The following ZNF391 variants were observed in gnomAD, a reference collection of about 807,000 sequenced individuals.
ZNF391 encodes the protein zinc finger protein 391.
For synonymous variants in ZNF391, 126 were observed against 142.1 expected (o/e 0.89, Z 0.80); for missense variants, 375 against 425.5 (o/e 0.88, Z 1.04).
Position 27,376,100 on chromosome 6 carries a change from C to T in ZNF391, n.523+963C>T, listed in dbSNP as rs1033908339. Among the ~76,000 whole-genome samples the T allele has an allele frequency of 5.9e-5, 9 of 152,152 alleles. No individual in the cohort carries two copies. The highest frequency in any genetic ancestry group is 1.4e-4 in the African/African-American group (6 of 41,522). ...AGTTGTATGTTTCCTGCCTCCAGGC[C>T]CTATTTTCCTGCCTCAATAATCACT... On this transcript the variant is annotated intron_variant and non_coding_transcript_variant, in intron 1 of 2. Coordinates refer to the ZNF391 transcript ENST00000477999. The surrounding 1 kb of genome is among the most constrained non-coding windows in gnomAD (Gnocchi z 4.7).
intron 1 of ZNF391, among the ~76,000 whole-genome samples, chr6:27,398,895 G>T (rs1391454862): frequency 6.6e-6 from 1 of 152,112 alleles, no homozygotes; most frequent in Non-Finnish European, 1.5e-5. Context: ...ATCTGGGAAA[G>T]CTAGCTGTCT....
chr6:27,381,528 G>A (rs1459410999), intron 1 of ZNF391, among the ~76,000 whole-genome samples: 2 of 152,234 alleles, frequency 1.3e-5, no homozygotes, highest in Non-Finnish European at 2.9e-5. Flanking sequence ...GGGCTGAAGG[G>A]CTCCTCAAGT....
upstream of ZNF391, among the ~76,000 whole-genome samples, chr6:27,385,547 G>A (rs1016409172): frequency 1.3e-5 from 2 of 152,128 alleles, no homozygotes; most frequent in Non-Finnish European, 2.9e-5. Context: ...GGATAAAAAA[G>A]GGAATTATGT....
chr6:27,377,741 A>G (rs1761439245), intron 1 of ZNF391, among the ~76,000 whole-genome samples: 1 of 152,226 alleles, frequency 6.6e-6, no homozygotes, highest in Non-Finnish European at 1.5e-5. Context: ...AGACTGTGCC[A>G]CTGGCACATC....
chr6:27,377,582 C>T (rs1761436717), intron 1 of ZNF391, among the ~76,000 whole-genome samples: 1 of 152,222 alleles, frequency 6.6e-6, no homozygotes, highest in Non-Finnish European at 1.5e-5. Context: ...AGCTTCATGT[C>T]TTCCTGACTT....
chr6:27,375,891 C>T (rs1561805953), intron 1 of ZNF391, among the ~76,000 whole-genome samples: 1 of 152,084 alleles, frequency 6.6e-6, no homozygotes, highest in Non-Finnish European at 1.5e-5. Context: ...TGGGAGGGGG[C>T]CGAGCATAGG....
Position 27,401,303 on chromosome 6 carries a change from A to T in ZNF391, c.933A>T (p.Gly311=). 6.2e-7 allele frequency: 1 copy of T among 1,614,104 alleles called. No individual in the cohort carries two copies. ...AGCCTCACGAGTGTAGAGTGTGTGG[A>T]AAGGGCTTCAGTCGAAGCTCATCCC... ...GEKPHECRVC[G]KGFSRSSSLI... Residue 311 remains glycine (G), a synonymous_variant, in exon 3 of 3, where the codon GGA becomes GGT. Coordinates refer to ENST00000244576, the MANE Select transcript of ZNF391 (RefSeq NM_001076781.3).
rs180840978 is a variant in ZNF391, at chr6:27,395,509, C to T, written c.-187-3933C>T. ...CTTTTACAGCCTGCAGAACCGTGAG[C>T]GAATTAAACTTCTTTATAAATTACC... On this transcript the variant is annotated intron_variant, in intron 1 of 2. Coordinates refer to ENST00000244576, the MANE Select transcript of ZNF391 (RefSeq NM_001076781.3). Among the ~76,000 whole-genome samples the T allele has an allele frequency of 1.8e-4, 27 of 152,196 alleles. No homozygotes were observed. The East Asian group carries it at 5.2e-3, about 29-fold the overall frequency.
rs1016605611 is a variant in ZNF391 at position 27,401,619 on chromosome 6, C to T, written c.*172C>T. 2.3e-5 allele frequency: 11 copies of T among 473,052 alleles called. No homozygotes were observed. The highest frequency in any genetic ancestry group is 3.7e-5 in the Admixed American group (1 of 27,188). 29.3% of individuals were successfully genotyped at this position (473,052 alleles called of 1,614,324 possible). A position where few individuals can be genotyped will look rare whatever the true frequency, so the allele number is the denominator to read the frequency against. On this transcript the variant is annotated 3_prime_UTR_variant, in exon 3 of 3. Coordinates refer to ENST00000244576, the MANE Select transcript of ZNF391 (RefSeq NM_001076781.3). ...CCATCCATCTATCCTTCTTTCGTCT[C>T]CCCTCCCTTCTTCCCTCCTTCCCTC...
upstream of ZNF391, among the ~76,000 whole-genome samples, chr6:27,387,073 C>G (rs6912091): frequency 0.7 from 106,917 of 151,770 alleles, 37,897 homozygotes; most frequent in Middle Eastern, 0.8. Context: ...AAAGAAGACA[C>G]ACAAATAAGT....
At chr6:27,397,486 A>C (rs1269490052) in intron 1 of ZNF391, among the ~76,000 whole-genome samples, 2 of 152,152 alleles carry the variant, frequency 1.3e-5, no homozygotes, top group Non-Finnish European at 2.9e-5. Flanking sequence ...ACATTTCAGC[A>C]TGAGATTTGG....
chr6:27,399,293 A>C (rs1319308549), intron 1 of ZNF391, 149 bp from the exon 2 acceptor site: 1 of 152,278 alleles, frequency 6.6e-6, no homozygotes, highest in Non-Finnish European at 1.5e-5. Context: ...AGTCCCTTTT[A>C]GAGACTCATT....
At position 27,400,310 on chromosome 6, in the gene ZNF391, G is replaced by A. The variant is rs1561814204; in HGVS notation, c.-61G>A. 7.3e-7 allele frequency: 1 copy of A among 1,372,890 alleles called. No homozygotes were observed. Among genetic ancestry groups the A allele is most frequent in the Non-Finnish European group, 1.0e-6 (1 of 1,001,434 alleles). The allele number at this position is 1,372,890 out of a possible 1,614,324, so 85.0% of individuals were successfully genotyped here. On this transcript the variant is annotated 5_prime_UTR_variant, in exon 3 of 3. Transcript: ENST00000244576. Reference sequence around the variant, plus strand: ...TCTTTCAGATAGGGGGATTTGAGCTGAACCAAAGCATCAACACCAATCAGA... The same window carrying A: ...TCTTTCAGATAGGGGGATTTGAGCTAAACCAAAGCATCAACACCAATCAGA...
chr6:27,380,374 G>T (rs185705930), intron 1 of ZNF391, among the ~76,000 whole-genome samples: 1 of 152,262 alleles, frequency 6.6e-6, no homozygotes, highest in Non-Finnish European at 1.5e-5. Flanking sequence ...GAGTATTACA[G>T]CTCTTAAGGC....
rs1388522188 is a variant in ZNF391 at position 27,399,115 on chromosome 6, C to T, written c.-187-327C>T. On this transcript the variant is annotated intron_variant, in intron 1 of 2. Transcript: ENST00000244576. ...TTTCTGGACATTCAACTTGTCAAGT[C>T]ACATGAACGTATTAAAATACAAATG... 2.0e-5 allele frequency among the ~76,000 whole-genome samples: 3 copies of T among 152,170 alleles called. No homozygotes were observed. The East Asian group carries it at 5.8e-4, about 29-fold the overall frequency.
chr6:27,397,493 T>C (rs1761852837), intron 1 of ZNF391, among the ~76,000 whole-genome samples: 1 of 152,114 alleles, frequency 6.6e-6, no homozygotes. Context: ...AGCATGAGAT[T>C]TGGAGGGAAC....
intron 1 of ZNF391, among the ~76,000 whole-genome samples, chr6:27,379,269 CTGTT>C (rs1370453609): frequency 1.3e-5 from 2 of 152,182 alleles, no homozygotes; most frequent in Non-Finnish European, 2.9e-5. Context: ...ATTGCTATGT[CTGTT>C]TGGTGGTGTT....
Position 27,400,702 on chromosome 6 carries a change from G to T in ZNF391, c.332G>T (p.Cys111Phe). The change falls in exon 3 of 3, where the codon TGC becomes TTC. Residue 111 changes from cysteine (C) to phenylalanine (F), a missense_variant. Transcript: ENST00000244576. ...RLFSQRKPCK[C>F]NECEKAFSYQ... ...TTCTCACAAAGAAAACCTTGTAAAT[G>T]CAATGAATGTGAAAAAGCCTTTAGT... 6.2e-7 allele frequency: 1 copy of T among 1,613,790 alleles called. No individual in the cohort carries two copies. Among genetic ancestry groups the T allele is most frequent in the Non-Finnish European group, 8.5e-7 (1 of 1,179,940 alleles).
intron 1 of ZNF391, among the ~76,000 whole-genome samples, chr6:27,377,947 TTG>T (rs1258780629): frequency 5.3e-5 from 8 of 152,160 alleles, no homozygotes; most frequent in African/African-American, 1.7e-4. Context: ...ATATGTATAT[TTG>T]TGTGTGTGTT....
Sources: allele counts gnomAD v4.1 joint callset (sites outside exome capture counted in the v4.1 genomes callset), GRCh38; gene constraint gnomAD v4.1.1; non-coding constraint Gnocchi (gnomAD v3.1); transcripts MANE v1.5; gene names NCBI Gene and HGNC (gene_info 2026-07-23, HGNC 2026-07-21).